The following LHCGR variants were observed in gnomAD, a reference collection of about 807,000 sequenced individuals.
LHCGR encodes the protein luteinizing hormone/choriogonadotropin receptor.
LHCGR carries 55 observed loss-of-function variants against 60.7 expected under a neutral mutation model. The ratio of observed to expected loss-of-function variants is 0.91; its 90% confidence interval spans 0.73 to 1.13. The LOEUF (loss-of-function observed/expected upper bound fraction) is 1.13, where lower values mean the gene tolerates loss of function less well. Ranked by LOEUF, LHCGR falls within the 50% of genes most tolerant of loss-of-function variation. The probability of loss-of-function intolerance (pLI) is 0.00; values close to 1 mark genes in which losing one functional copy is unlikely to be tolerated. For synonymous variants in LHCGR, 337 were observed against 316.5 expected, an observed-to-expected ratio of 1.06 and a Z score of -0.69; for missense variants, 862 against 836.0, an observed-to-expected ratio of 1.03 and a Z score of -0.38.
chr2:48,688,453 G>A lies in LHCGR; in HGVS notation c.1344C>T (p.Phe448=), dbSNP rs751366499. 3.7e-6 allele frequency: 6 copies of A among 1,614,090 alleles called. No homozygotes were observed. Among genetic ancestry groups the A allele is most frequent in the South Asian group, 3.3e-5 (3 of 91,058 alleles). ...GCSTAGFFTV[F]ASELSVYTLT... The stretch of plus-strand genomic sequence containing the variant: ...GGGTGTAGACAGAAAGTTCACTTGC[G>A]AATACAGTGAAAAAGCCAGCAGTGC... The change falls in exon 11 of 11, where the codon TTC becomes TTT. Residue 448 remains phenylalanine (F), a synonymous_variant. Transcript: ENST00000294954. This position sits in a 1 kb window ranked among gnomAD's most constrained non-coding sequence, Gnocchi z 5.2.
chr2:48,747,522 C>T lies in LHCGR; in HGVS notation c.161+7989G>A, dbSNP rs932812317. Reference sequence around the variant, plus strand: ...CCTTCTCTGGAAGTACCTCAGAACTCGCCACATTATGGTGGAAGAATCTTG... The same window carrying T: ...CCTTCTCTGGAAGTACCTCAGAACTTGCCACATTATGGTGGAAGAATCTTG... On this transcript the variant is annotated intron_variant, in intron 1 of 10. Coordinates refer to ENST00000294954, the MANE Select transcript of LHCGR (RefSeq NM_000233.4). Among the ~76,000 whole-genome samples the T allele has an allele frequency of 6.6e-5, 10 of 152,294 alleles. No individual in the cohort carries two copies. The East Asian group carries it at 1.9e-3, about 29-fold the overall frequency.
chr2:48,707,646 G>A (rs778163490), intron 8 of LHCGR, among the ~76,000 whole-genome samples: 11 of 152,242 alleles, frequency 7.2e-5, no homozygotes, highest in South Asian at 2.1e-4. Flanking sequence ...ATTGGGCTCC[G>A]CCCAGTTCGA....
intron 10 of LHCGR, among the ~76,000 whole-genome samples, chr2:48,689,217 T>TAA (rs1241343652): frequency 6.6e-6 from 1 of 151,708 alleles, no homozygotes; most frequent in Non-Finnish European, 1.5e-5. Context: ...CATATATATA[T>TAA]AACATTGATA....
intron 1 of LHCGR, among the ~76,000 whole-genome samples, chr2:48,747,405 G>A (rs897690636): frequency 6.6e-6 from 1 of 152,154 alleles, no homozygotes; most frequent in Admixed American, 6.5e-5. Context: ...GGTTTGAAGT[G>A]CCTGAAATTA....
In LHCGR at chr2:48,687,937, T is replaced by A; in HGVS notation, c.1860A>T (p.Pro620=). The change falls in exon 11 of 11, where the codon CCA becomes CCT. Residue 620 remains proline (P), a synonymous_variant. Coordinates refer to ENST00000294954, the MANE Select transcript of LHCGR (RefSeq NM_000233.4). The stretch of plus-strand genomic sequence containing the variant: ...TCTTAGTGAATATTGCATACAGAAA[T>A]GGATTGGCACAAGAATTGATGGGAT... The part of the protein sequence containing the change: ...LFYPINSCAN[P]FLYAIFTKTF... 6.2e-7 allele frequency: 1 copy of A among 1,613,990 alleles called. No homozygotes were observed. The highest frequency in any genetic ancestry group is 2.2e-5 in the East Asian group (1 of 44,878).
intron 1 of LHCGR, among the ~76,000 whole-genome samples, chr2:48,745,609 C>T (rs1036551210): frequency 6.7e-6 from 1 of 148,498 alleles, no homozygotes; most frequent in African/African-American, 2.5e-5. Flanking sequence ...AAAAACCAAA[C>T]ACCGCATATT....
chr2:48,706,433 G>A (rs917899000), intron 8 of LHCGR, among the ~76,000 whole-genome samples: 1 of 152,138 alleles, frequency 6.6e-6, no homozygotes, highest in African/African-American at 2.4e-5. Flanking sequence ...GAATTTGAAT[G>A]TTGGCCTGCC....
chr2:48,753,805 A>AGTGTAT (rs1553400603), intron 1 of LHCGR, among the ~76,000 whole-genome samples: 3 of 149,812 alleles, frequency 2.0e-5, no homozygotes, highest in Non-Finnish European at 4.5e-5. Flanking sequence ...GGAGAAACTG[A>AGTGTAT]GTGTGTGTGT....
intron 6 of LHCGR, among the ~76,000 whole-genome samples, chr2:48,717,780 C>G (rs141686446): frequency 1.3e-5 from 2 of 151,388 alleles, no homozygotes; most frequent in African/African-American, 4.8e-5. Context: ...TCTCAAACAC[C>G]TTTGGTCTGT....
chr2:48,741,092 C>T (rs1324870940), intron 1 of LHCGR, among the ~76,000 whole-genome samples: 7 of 150,742 alleles, frequency 4.6e-5, no homozygotes, highest in African/African-American at 7.3e-5. Flanking sequence ...AGGGTATCAG[C>T]GATGGAAGAT....
intron 10 of LHCGR, among the ~76,000 whole-genome samples, chr2:48,691,224 T>C (rs1680215825): frequency 6.6e-6 from 1 of 152,228 alleles, no homozygotes; most frequent in Admixed American, 6.5e-5. Context: ...TCCCATGTTT[T>C]GTATTTTAAG....
intron 1 of LHCGR, among the ~76,000 whole-genome samples, chr2:48,740,466 T>C (rs562471179): frequency 2.8e-4 from 42 of 152,294 alleles, no homozygotes; most frequent in Non-Finnish European, 4.6e-4. Flanking sequence ...AAGAGAGCAG[T>C]GGTTCTCACA....
intron 10 of LHCGR, among the ~76,000 whole-genome samples, chr2:48,691,127 T>C (rs934173105): frequency 3.3e-5 from 5 of 152,240 alleles, no homozygotes; most frequent in Admixed American, 2.6e-4. Flanking sequence ...TATGTATTTA[T>C]AATACATTTT....
At chr2:48,727,068 C>G (rs1025554105) in intron 3 of LHCGR, among the ~76,000 whole-genome samples, 7 of 152,098 alleles carry the variant, frequency 4.6e-5, no homozygotes, top group South Asian at 4.1e-4. Flanking sequence ...TCTACAACAA[C>G]TGAGTCAAAC....
chr2:48,718,937 C>G (rs1019706825), intron 6 of LHCGR, among the ~76,000 whole-genome samples: 3 of 152,306 alleles, frequency 2.0e-5, no homozygotes, highest in South Asian at 2.1e-4. Flanking sequence ...TTTCATGTTT[C>G]CTTCTACCTC....
intron 9 of LHCGR, among the ~76,000 whole-genome samples, chr2:48,695,517 C>G (rs554445638): frequency 1.5e-4 from 23 of 152,260 alleles, no homozygotes; most frequent in Admixed American, 1.2e-3. Flanking sequence ...GAACTTAAAA[C>G]AGAGCTACTA....
intron 7 of LHCGR, among the ~76,000 whole-genome samples, chr2:48,710,302 C>T (rs1667916760): frequency 6.6e-6 from 1 of 152,160 alleles, no homozygotes; most frequent in African/African-American, 2.4e-5. Flanking sequence ...AATTTTTCTT[C>T]CTAAACCTCC....
At chr2:48,742,807 T>C (rs950545438) in intron 1 of LHCGR, among the ~76,000 whole-genome samples, 6 of 151,718 alleles carry the variant, frequency 4.0e-5, no homozygotes, top group East Asian at 1.9e-4. Flanking sequence ...GCAAACACAT[T>C]CAAAAGCTAG....
rs184256751 is a variant in LHCGR at position 48,705,195 on chromosome 2, C to T, written c.680+3753G>A. On this transcript the variant is annotated intron_variant, in intron 8 of 10. Coordinates refer to ENST00000294954, the MANE Select transcript of LHCGR (RefSeq NM_000233.4). Reference sequence around the variant, plus strand: ...GTTGTTCAGTTTCTATGTAGTTGTGCGGTTTTGAGTGAGTTTCTTAATCCT... The same window carrying T: ...GTTGTTCAGTTTCTATGTAGTTGTGTGGTTTTGAGTGAGTTTCTTAATCCT... Among the ~76,000 whole-genome samples the T allele has an allele frequency of 2.0e-4, 30 of 152,212 alleles. No homozygotes were observed. In the East Asian group the frequency reaches 2.9e-3, roughly 15 times the overall value.
Sources: gnomAD v4.1 joint callset for allele counts (sites outside exome capture counted in the v4.1 genomes callset) on GRCh38, gnomAD v4.1.1 for gene constraint, Gnocchi (gnomAD v3.1) non-coding constraint, MANE v1.5 for transcripts, NCBI Gene and HGNC (gene_info 2026-07-23, HGNC 2026-07-21) for gene names.